CTTN: variants seen among roughly 807,000 people sequenced by gnomAD.
CTTN encodes the protein src substrate cortactin.
Under a neutral mutation model 84.0 loss-of-function variants are expected in CTTN, and 28 were observed. The observed-to-expected ratio is 0.33, with a 90% CI of 0.25 to 0.46. CTTN has a LOEUF of 0.46. Among genes scored for constraint, CTTN ranks in the 20% least tolerant of loss-of-function variants. CTTN has a pLI of 1.00. For synonymous variants in CTTN, 301 were observed against 288.8 expected, an observed-to-expected ratio of 1.04 and a Z score of -0.43; for missense variants, 641 against 723.8, an observed-to-expected ratio of 0.89 and a Z score of 1.31.
intron 11 of CTTN, chr11:70,422,509 C>T: frequency 7.8e-7 from 1 of 1,290,254 alleles, no homozygotes; most frequent in Non-Finnish European, 1.0e-6. Flanking sequence ...TCTTAAAAAG[C>T]AAGAGAACAA....
chr11:70,433,230 ACAGAGGCTGTCTATGAAAGCG>A lies in CTTN; in HGVS notation c.1404_1424del (p.Val469_Ala475del). 1 of 1,613,142 alleles carries A rather than the reference ACAGAGGCTGTCTATGAAAGCG, an allele frequency of 6.2e-7. No individual in the cohort carries two copies. The highest frequency in any genetic ancestry group is 2.2e-5 in the East Asian group (1 of 44,848). ...CAGCCAGCAGGGCCTGGCCTATGCC[ACAGAGGCTGTCTATGAAAGCG>A]CAGAGGCCCCGGGCCACTATCCCGC... is the stretch of plus-strand genomic sequence containing the variant. On this transcript the variant is annotated inframe_deletion, in exon 16 of 18. Coordinates refer to ENST00000301843, the MANE Select transcript of CTTN (RefSeq NM_005231.4).
In CTTN at chr11:70,417,049, A is replaced by G; in HGVS notation, c.494A>G (p.Gln165Arg). 6.2e-7 allele frequency: 1 copy of G among 1,614,240 alleles called. No homozygotes were observed. Among genetic ancestry groups the G allele is most frequent in the Non-Finnish European group, 8.5e-7 (1 of 1,180,054 alleles). Reference protein sequence around the residue: ...SSGFGGKYGVQADRVDKSAVG... With the variant: ...SSGFGGKYGVRADRVDKSAVG... ...GGTTTTGGCGGCAAGTATGGCGTGC[A>G]GGCCGACCGAGTAGACAAGAGCGCG... The change falls in exon 8 of 18, where the codon CAG becomes CGG. Residue 165 changes from glutamine to arginine, a missense_variant. Coordinates refer to ENST00000301843, the MANE Select transcript of CTTN (RefSeq NM_005231.4).
At chr11:70,419,886 C>T (rs779584204) in intron 9 of CTTN, 30 bp downstream of exon 9, 2 of 1,551,732 alleles carry the variant, frequency 1.3e-6, no homozygotes, top group South Asian at 1.1e-5. Flanking sequence ...ACCCTCCAGC[C>T]AGCAGCTAGT....
intron 2 of CTTN, among the ~76,000 whole-genome samples, chr11:70,406,436 A>G (rs1327532957): frequency 5.3e-5 from 8 of 152,134 alleles, no homozygotes; most frequent in Non-Finnish European, 8.8e-5. Context: ...TTGATTTAAA[A>G]TAATCTCTCA....
intron 1 of CTTN, among the ~76,000 whole-genome samples, chr11:70,401,244 G>A (rs2057975324): frequency 6.6e-6 from 1 of 152,040 alleles, no homozygotes; most frequent in African/African-American, 2.4e-5. Context: ...GCTGAGGTGG[G>A]CAGATCACGA....
chr11:70,410,913 A>C (rs7944627), intron 5 of CTTN, among the ~76,000 whole-genome samples: 26,910 of 152,020 alleles, frequency 0.18, 2,823 homozygotes, highest in Admixed American at 0.26. Flanking sequence ...AGTGAGCTGC[A>C]CCTTGCTCTG....
At chr11:70,422,551 A>G in intron 11 of CTTN, 2 of 1,297,850 alleles carry the variant, frequency 1.5e-6, no homozygotes, top group Non-Finnish European at 1.0e-6. Context: ...AGCGCTCAGT[A>G]GAGCAGGCGC....
At chr11:70,411,011 C>T (rs1342951338) in intron 5 of CTTN, among the ~76,000 whole-genome samples, 1 of 152,102 alleles carries the variant, frequency 6.6e-6, no homozygotes, top group African/African-American at 2.4e-5. Flanking sequence ...GGGTGAGGGA[C>T]CTTCTGCAGG....
intron 5 of CTTN, among the ~76,000 whole-genome samples, chr11:70,414,320 G>A (rs1030050508): frequency 6.6e-6 from 1 of 151,754 alleles, no homozygotes; most frequent in African/African-American, 2.4e-5. Context: ...ACTCCAGCCT[G>A]GGCAACAGAG....
At chr11:70,423,334 G>T (rs1205769977) in intron 12 of CTTN, among the ~76,000 whole-genome samples, 1 of 152,254 alleles carries the variant, frequency 6.6e-6, no homozygotes, top group Admixed American at 6.5e-5. Flanking sequence ...TAGTAAATCA[G>T]ATTGGAACCT....
chr11:70,403,958 G>A (rs1017821360), intron 1 of CTTN, among the ~76,000 whole-genome samples: 6 of 152,094 alleles, frequency 3.9e-5, no homozygotes, highest in Non-Finnish European at 7.4e-5. Context: ...ATGGCTCACT[G>A]CAACCTTGAG....
intron 15 of CTTN, among the ~76,000 whole-genome samples, chr11:70,432,417 G>A (rs1227515105): frequency 6.6e-6 from 1 of 152,246 alleles, no homozygotes; most frequent in Non-Finnish European, 1.5e-5. Context: ...TCTCCTGGGT[G>A]CGCGGTTCTG....
intron 17 of CTTN, among the ~76,000 whole-genome samples, chr11:70,434,502 G>A (rs539404513): frequency 2.6e-5 from 4 of 152,278 alleles, no homozygotes; most frequent in African/African-American, 9.6e-5. Flanking sequence ...GGCCGTCCCC[G>A]TTCAGTGCCT....
At chr11:70,412,031 G>A (rs1030711433) in intron 5 of CTTN, among the ~76,000 whole-genome samples, 4 of 151,908 alleles carry the variant, frequency 2.6e-5, no homozygotes, top group African/African-American at 9.7e-5. Flanking sequence ...TGTCCTAGCA[G>A]GGCGAGTCCA....
Position 70,429,045 on chromosome 11 carries a change from C to T in CTTN, c.1028-6C>T. The T allele has an allele frequency of 6.2e-7, 1 of 1,614,188 alleles. No individual in the cohort carries two copies. The highest frequency in any genetic ancestry group is 8.5e-7 in the Non-Finnish European group (1 of 1,180,020). ...AAGGCACACGTCCTCCCTCCTTCCT[C>T]TATAGTGACCAGCAAAACAAGTAAC... On this transcript the variant is annotated splice_polypyrimidine_tract_variant and splice_region_variant and intron_variant, in intron 13 of 17. Transcript: ENST00000301843.
chr11:70,403,345 C>T (rs568774977), intron 1 of CTTN, among the ~76,000 whole-genome samples: 174 of 151,884 alleles, frequency 1.1e-3, no homozygotes, highest in African/African-American at 3.6e-3. Flanking sequence ...TGCGTCACCA[C>T]GCCCTGTTAA....
rs185470349 is a variant in CTTN at position 70,435,179 on chromosome 11, C to T, written c.*17C>T. On this transcript the variant is annotated 3_prime_UTR_variant, in exon 18 of 18. Transcript: ENST00000301843. ...CGGCAGTAGGGCCCCCAGCCCCCCCCCGGAGCTGCGCCCTGGATCCTCACA... is the reference window on the plus strand; with the variant it reads ...CGGCAGTAGGGCCCCCAGCCCCCCCTCGGAGCTGCGCCCTGGATCCTCACA... 5 of 1,598,638 alleles carry T rather than the reference C, an allele frequency of 3.1e-6. No homozygotes were observed. In the Admixed American group the frequency reaches 6.8e-5, roughly 22 times the overall value.
At chr11:70,403,076 TC>T (rs1222186030) in intron 1 of CTTN, among the ~76,000 whole-genome samples, 2 of 152,212 alleles carry the variant, frequency 1.3e-5, no homozygotes, top group Non-Finnish European at 2.9e-5. Flanking sequence ...AACAAACTTT[TC>T]CTGAGCTTGT....
At chr11:70,415,195 G>A (rs546107596) in intron 6 of CTTN, among the ~76,000 whole-genome samples, 14 of 152,290 alleles carry the variant, frequency 9.2e-5, no homozygotes, top group South Asian at 2.1e-4. Flanking sequence ...TATTAGCCAC[G>A]GTTCTGAATT....
Sources: allele counts gnomAD v4.1 joint callset (sites outside exome capture counted in the v4.1 genomes callset), GRCh38; gene constraint gnomAD v4.1.1; transcripts MANE v1.5; gene names NCBI Gene and HGNC (gene_info 2026-07-23, HGNC 2026-07-21).